SLC35F1: variants seen among roughly 807,000 people sequenced by gnomAD.
SLC35F1 encodes chromosome 6 open reading frame 169.
Under a neutral mutation model 48.7 loss-of-function variants are expected in SLC35F1, and 14 were observed. The observed-to-expected ratio is 0.29, with a 90% CI of 0.19 to 0.45. The LOEUF (loss-of-function observed/expected upper bound fraction) is 0.45. SLC35F1 is among the 20% of genes least tolerant of loss of function. The probability of loss-of-function intolerance (pLI) is 1.00; values close to 1 mark genes in which losing one functional copy is unlikely to be tolerated. For synonymous variants in SLC35F1, 190 were observed against 202.2 expected (o/e 0.94, Z 0.51); for missense variants, 404 against 500.0 (o/e 0.81, Z 1.83).
Position 117,999,230 on chromosome 6 carries a change from C to G in SLC35F1, c.173+91331C>G. 3 of 1,596,346 alleles carry G rather than the reference C, an allele frequency of 1.9e-6. No homozygotes were observed. The South Asian group carries it at 3.3e-5, about 18-fold the overall frequency. ...GCCCAAGGAGGTTAAGCCCAAGATC[C>G]CAAAGGGAGTCAGCTGCAAGCTCGA... On this transcript the variant is annotated intron_variant, in intron 1 of 7. Coordinates refer to ENST00000360388, the MANE Select transcript of SLC35F1 (RefSeq NM_001029858.4).
chr6:118,116,132 C>T (rs1773473026), intron 1 of SLC35F1, among the ~76,000 whole-genome samples: 1 of 152,176 alleles, frequency 6.6e-6, no homozygotes, highest in Admixed American at 6.5e-5. Context: ...CCAAGTGCTC[C>T]TTTCATACCA....
At chr6:118,163,348 G>C (rs1273926153) in intron 2 of SLC35F1, among the ~76,000 whole-genome samples, 1 of 151,934 alleles carries the variant, frequency 6.6e-6, no homozygotes, top group Non-Finnish European at 1.5e-5. Context: ...TAGATGGAAG[G>C]AAATTGACAT....
rs532433642 is a variant in SLC35F1, at chr6:118,167,212, G to C, written c.349+12592G>C. Among the ~76,000 whole-genome samples the C allele has an allele frequency of 9.2e-5, 14 of 152,234 alleles. No homozygotes were observed. In the East Asian group the frequency reaches 2.1e-3, roughly 23 times the overall value. ...TAAGAGGAGGAGAGTGACGAGTAAA[G>C]AGTCCCTGTAACTGCGCAAGAGTAC... On this transcript the variant is annotated intron_variant, in intron 2 of 7. Coordinates refer to ENST00000360388, the MANE Select transcript of SLC35F1 (RefSeq NM_001029858.4).
intron 1 of SLC35F1, among the ~76,000 whole-genome samples, chr6:118,077,061 G>A (rs1772832812): frequency 1.3e-5 from 2 of 152,174 alleles, no homozygotes; most frequent in South Asian, 4.1e-4. Flanking sequence ...ATTTTAATGA[G>A]TTGACAGATT....
At chr6:118,233,332 A>G (rs1775320528) in intron 2 of SLC35F1, among the ~76,000 whole-genome samples, 1 of 152,228 alleles carries the variant, frequency 6.6e-6, no homozygotes, top group Admixed American at 6.5e-5. Flanking sequence ...GATTGACAAG[A>G]CAAATCCTGA....
At chr6:117,991,920 T>G (rs1776924148) in intron 1 of SLC35F1, among the ~76,000 whole-genome samples, 1 of 152,182 alleles carries the variant, frequency 6.6e-6, no homozygotes, top group South Asian at 2.1e-4. Context: ...GATACCAAAA[T>G]TTTTATAAGC....
chr6:118,174,052 T>G (rs1023379043), intron 2 of SLC35F1, among the ~76,000 whole-genome samples: 27 of 152,272 alleles, frequency 1.8e-4, no homozygotes, highest in African/African-American at 6.5e-4. Flanking sequence ...AGTTATCAGA[T>G]GGACTCTGTT....
At chr6:117,913,876 C>A (rs1775792992) in intron 1 of SLC35F1, among the ~76,000 whole-genome samples, 1 of 152,032 alleles carries the variant, frequency 6.6e-6, no homozygotes, top group South Asian at 2.1e-4. Context: ...CATGGCGAAA[C>A]CCCATCTCTA....
intron 1 of SLC35F1, among the ~76,000 whole-genome samples, chr6:118,066,081 T>A (rs1385510469): frequency 1.3e-5 from 2 of 152,202 alleles, no homozygotes; most frequent in African/African-American, 4.8e-5. Context: ...CTCCAGAATG[T>A]GCACTTTTAA....
In SLC35F1 at chr6:118,015,711, G is replaced by T. The variant is rs201681083; in HGVS notation, c.173+107812G>T. 1.9e-4 allele frequency among the ~76,000 whole-genome samples: 29 copies of T among 152,026 alleles called. No individual in the cohort carries two copies. The East Asian group carries it at 5.6e-3, about 30-fold the overall frequency. On this transcript the variant is annotated intron_variant, in intron 1 of 7. Transcript: ENST00000360388. ...AAATACACTTCTTTTCTCCATTTTT[G>T]ACCACAACCATCAAAGACCAGACTA...
intron 1 of SLC35F1, among the ~76,000 whole-genome samples, chr6:117,957,405 A>G (rs1776440671): frequency 6.6e-6 from 1 of 152,220 alleles, no homozygotes; most frequent in Non-Finnish European, 1.5e-5. Context: ...ATGGTACTGA[A>G]TATGTATAAG....
intron 7 of SLC35F1, among the ~76,000 whole-genome samples, chr6:118,291,125 G>A (rs1232788930): frequency 2.0e-5 from 3 of 151,980 alleles, no homozygotes; most frequent in Non-Finnish European, 4.4e-5. Flanking sequence ...ATTTATTGAA[G>A]TTACTTTTAT....
chr6:117,971,431 C>G (rs1240600652), intron 1 of SLC35F1, among the ~76,000 whole-genome samples: 12 of 152,222 alleles, frequency 7.9e-5, no homozygotes, highest in Admixed American at 7.9e-4. Context: ...CACTGGATCA[C>G]AGTTCTGGCA....
chr6:118,004,501 A>C (rs1777148421), intron 1 of SLC35F1, among the ~76,000 whole-genome samples: 1 of 152,218 alleles, frequency 6.6e-6, no homozygotes, highest in East Asian at 1.9e-4. Context: ...CTGTCCTACC[A>C]TCACCTAAAA....
At chr6:118,032,652 A>G (rs922433498) in intron 1 of SLC35F1, among the ~76,000 whole-genome samples, 7 of 152,208 alleles carry the variant, frequency 4.6e-5, no homozygotes, top group Admixed American at 1.3e-4. Flanking sequence ...CCAGTGTGAT[A>G]AAAATGATTC....
At chr6:118,016,079 A>C (rs1365924671) in intron 1 of SLC35F1, among the ~76,000 whole-genome samples, 1 of 152,166 alleles carries the variant, frequency 6.6e-6, no homozygotes, top group African/African-American at 2.4e-5. Flanking sequence ...TTGACATAAC[A>C]CACTTCCCAA....
chr6:117,939,930 A>G (rs1776207888), intron 1 of SLC35F1, among the ~76,000 whole-genome samples: 1 of 152,140 alleles, frequency 6.6e-6, no homozygotes, highest in South Asian at 2.1e-4. Context: ...GGCCCAGCAC[A>G]GCATGGAAGG....
intron 1 of SLC35F1, among the ~76,000 whole-genome samples, chr6:118,112,233 A>G (rs1294328473): frequency 2.0e-5 from 3 of 152,058 alleles, no homozygotes; most frequent in Admixed American, 6.6e-5. Context: ...GGTTCAAGCA[A>G]TCCTCCTGCC....
rs573886914 is a variant in SLC35F1 at position 118,156,653 on chromosome 6, A to G, written c.349+2033A>G. On this transcript the variant is annotated intron_variant, in intron 2 of 7. Coordinates refer to ENST00000360388, the MANE Select transcript of SLC35F1 (RefSeq NM_001029858.4). ...TGCACGTTGTGCACATGTACCCTAG[A>G]ACTGAAAGTATAATAAAAAATAAAA... Among the ~76,000 whole-genome samples, 26 of 145,914 alleles carry G rather than the reference A, an allele frequency of 1.8e-4. 1 individual carries two copies. In the South Asian group the frequency reaches 5.5e-3, roughly 31 times the overall value.
Sources: allele counts gnomAD v4.1 joint callset (sites outside exome capture counted in the v4.1 genomes callset), GRCh38; gene constraint gnomAD v4.1.1; transcripts MANE v1.5; gene names NCBI Gene and HGNC (gene_info 2026-07-23, HGNC 2026-07-21).